Variants in C18orf63 observed in about 807,000 individuals in gnomAD.
The protein encoded by C18orf63 is chromosome 18 open reading frame 63, also known as uncharacterized protein C18orf63.
A neutral mutation model predicts 75.3 loss-of-function variants in C18orf63; 50 were observed. The ratio of observed to expected loss-of-function variants is 0.66; its 90% confidence interval spans 0.53 to 0.84. C18orf63 has a LOEUF of 0.84. Among genes scored for constraint, C18orf63 ranks in the 40% least tolerant of loss-of-function variants. The probability of loss-of-function intolerance (pLI) is 0.00; values close to 1 mark genes in which losing one functional copy is unlikely to be tolerated. For synonymous variants in C18orf63, 232 were observed against 267.6 expected (o/e 0.87, Z 1.30); for missense variants, 732 against 800.2 (o/e 0.91, Z 1.03).
Position 74,358,913 on chromosome 18 carries a change from T to C in C18orf63, c.*2466T>C, listed in dbSNP as rs1984816511. 8.6e-6 allele frequency: 1 copy of C among 116,402 alleles called. No homozygotes were observed. The highest frequency in any genetic ancestry group is 2.8e-5 in the African/African-American group (1 of 35,146). 7.2% of individuals were successfully genotyped at this position (116,402 alleles called of 1,614,324 possible). A position where few individuals can be genotyped will look rare whatever the true frequency, so the allele number is the denominator to read the frequency against. ...TTTTATTTGCATTTGTTGCTTATTG[T>C]AGTAAAAAGGTAAAAAAAAAATGAA... On this transcript the variant is annotated 3_prime_UTR_variant, in exon 14 of 14. Transcript: ENST00000579455.
rs199910303 is a variant in C18orf63 at position 74,320,590 on chromosome 18, C to T, written c.212C>T (p.Ala71Val). Residue 71 changes from alanine (A) to valine (V), a missense_variant and splice_region_variant, in exon 3 of 14, where the codon GCG becomes GTG. Around this residue, in one of 3 missense-constraint regions of C18orf63, gnomAD observed 233 missense variants for 272.7 expected, o/e 0.85. Transcript: ENST00000579455. The stretch of plus-strand genomic sequence containing the variant: ...TTAAACCAAATCTGGGTGGTGATGG[C>T]GGTTAGTATTTTAATATTTTGTGAA... ...GILNQIWVVM[A>V]IPFYKARKLN... is the part of the protein sequence containing the mutation. 1.4e-5 allele frequency: 21 copies of T among 1,517,092 alleles called. No individual in the cohort carries two copies. Among genetic ancestry groups the T allele is most frequent in the Admixed American group, 4.0e-5 (2 of 50,392 alleles). 94.0% of individuals were successfully genotyped at this position (1,517,092 alleles called of 1,614,324 possible). A position where few individuals can be genotyped will look rare whatever the true frequency, so the allele number is the denominator to read the frequency against.
intron 5 of C18orf63, 49 bp downstream of exon 5, chr18:74,328,107 T>G: frequency 9.5e-7 from 1 of 1,055,824 alleles, no homozygotes; most frequent in Non-Finnish European, 1.4e-6. Context: ...AGATTACGTC[T>G]GTTATGTGTG....
chr18:74,322,697 G>T lies in C18orf63; in HGVS notation c.214-1G>T. 7.9e-7 allele frequency: 1 copy of T among 1,260,582 alleles called. No individual in the cohort carries two copies. Among genetic ancestry groups the T allele is most frequent in the Non-Finnish European group, 1.1e-6 (1 of 920,274 alleles). 78.1% of individuals were successfully genotyped at this position (1,260,582 alleles called of 1,614,324 possible). On this transcript the variant is annotated splice_acceptor_variant, in intron 3 of 13. Transcript: ENST00000579455. LOFTEE classifies it high-confidence loss of function. The stretch of plus-strand genomic sequence containing the variant: ...TTTATAAATGTGGATTTTTGTTACA[G>T]ATACCATTTTATAAAGCAAGAAAAC...
chr18:74,340,783 C>G (rs1984467257), intron 8 of C18orf63, among the ~76,000 whole-genome samples: 1 of 151,944 alleles, frequency 6.6e-6, no homozygotes, highest in Non-Finnish European at 1.5e-5. Context: ...ACCTCACTTC[C>G]TTGTGGACTC....
intron 13 of C18orf63, among the ~76,000 whole-genome samples, chr18:74,355,506 A>AG (rs74618580): frequency 0.12 from 18,449 of 152,044 alleles, 1,476 homozygotes; most frequent in Admixed American, 0.18. Context: ...GTCATCCAGG[A>AG]GGGGGGGCTT....
intron 7 of C18orf63, among the ~76,000 whole-genome samples, chr18:74,331,438 A>G (rs1211156900): frequency 6.6e-6 from 1 of 152,190 alleles, no homozygotes; most frequent in Non-Finnish European, 1.5e-5. Flanking sequence ...AGAACCTTAC[A>G]CACTAGTGTC....
chr18:74,331,082 T>C, intron 7 of C18orf63, 140 bp downstream of exon 7: 1 of 371,050 alleles, frequency 2.7e-6, no homozygotes, highest in Non-Finnish European at 4.7e-6. Context: ...TCTGTATTAT[T>C]AAATGCTTGA....
intron 8 of C18orf63, among the ~76,000 whole-genome samples, chr18:74,341,571 C>A (rs183958873): frequency 1.7e-4 from 26 of 151,982 alleles, no homozygotes; most frequent in African/African-American, 5.8e-4. Context: ...TCCCAGCTGG[C>A]GGCTAAGGCA....
intron 7 of C18orf63, among the ~76,000 whole-genome samples, chr18:74,333,423 A>G (rs760737351): frequency 7.9e-5 from 12 of 152,200 alleles, no homozygotes; most frequent in Admixed American, 3.3e-4. Flanking sequence ...TAGATAATTT[A>G]TAAAGGAAAG....
chr18:74,317,890 C>T lies in C18orf63; in HGVS notation c.25C>T (p.Leu9=). The T allele has an allele frequency of 6.5e-7, 1 of 1,534,584 alleles. No individual in the cohort carries two copies. Residue 9 remains leucine (L), a synonymous_variant, in exon 2 of 14, where the codon CTG becomes TTG. Coordinates refer to ENST00000579455, the MANE Select transcript of C18orf63 (RefSeq NM_001174123.2). ...TATGAATGATTCTAGGCAGCAGTCT[C>T]TGTTCTTCATCACACTTCCAGATTT... The part of the protein sequence containing the change: MNDSRQQS[L]FFITLPDLNK...
chr18:74,337,178 T>C (rs1984405620), intron 7 of C18orf63, among the ~76,000 whole-genome samples: 1 of 152,134 alleles, frequency 6.6e-6, no homozygotes, highest in Non-Finnish European at 1.5e-5. Context: ...AAATAATATT[T>C]ATTGAATACC....
chr18:74,326,681 A>G (rs1473887449), intron 4 of C18orf63, among the ~76,000 whole-genome samples: 1 of 152,038 alleles, frequency 6.6e-6, no homozygotes, highest in Non-Finnish European at 1.5e-5. Flanking sequence ...TTCATTTCCC[A>G]TCTTTTGGGG....
intron 7 of C18orf63, among the ~76,000 whole-genome samples, chr18:74,336,315 A>G (rs1984390349): frequency 6.6e-6 from 1 of 152,068 alleles, no homozygotes; most frequent in African/African-American, 2.4e-5. Context: ...AAAATACATT[A>G]AAAAACAATG....
At position 74,353,238 on chromosome 18, in the gene C18orf63, C is replaced by G; in HGVS notation, c.979-8C>G. ...TTTAAATTTTTTTTTAATCTCTATC[C>G]TTTTCAGGAACACAAAGTCAAGCCA... On this transcript the variant is annotated splice_polypyrimidine_tract_variant and splice_region_variant and intron_variant, in intron 11 of 13. Transcript: ENST00000579455. 1.3e-6 allele frequency: 2 copies of G among 1,521,270 alleles called. No individual in the cohort carries two copies. The highest frequency in any genetic ancestry group is 1.8e-6 in the Non-Finnish European group (2 of 1,136,148). 94.2% of individuals were successfully genotyped at this position (1,521,270 alleles called of 1,614,324 possible).
intron 5 of C18orf63, 31 bp from the exon 6 acceptor site, chr18:74,328,964 A>T (rs1325651516): frequency 8.0e-7 from 1 of 1,256,874 alleles, no homozygotes; most frequent in South Asian, 1.3e-5. Flanking sequence ...ATGAGTTGTA[A>T]TAACATGGCA....
At chr18:74,323,100 T>C (rs1322757459) in intron 4 of C18orf63, among the ~76,000 whole-genome samples, 1 of 152,214 alleles carries the variant, frequency 6.6e-6, no homozygotes, top group Non-Finnish European at 1.5e-5. Flanking sequence ...TAAAATACTA[T>C]AGATTGTATT....
At chr18:74,331,001 T>TA in intron 7 of C18orf63, 59 bp downstream of exon 7, 2 of 647,630 alleles carry the variant, frequency 3.1e-6, no homozygotes, top group Non-Finnish European at 4.6e-6. Flanking sequence ...TTTATATTTA[T>TA]TATTGTTACT....
Position 74,322,761 on chromosome 18 carries a change from G to A in C18orf63, c.270+7G>A. On this transcript the variant is annotated splice_region_variant and intron_variant, in intron 4 of 13. Coordinates refer to ENST00000579455, the MANE Select transcript of C18orf63 (RefSeq NM_001174123.2). ...TGAAAAATATGGAGCTAAGGTAAGT[G>A]TTAAAAAATGATATTAATACCATAT... 1 of 1,211,890 alleles carries A rather than the reference G, an allele frequency of 8.3e-7. No homozygotes were observed. Among genetic ancestry groups the A allele is most frequent in the Non-Finnish European group, 1.1e-6 (1 of 880,070 alleles). The allele number at this position is 1,211,890 out of a possible 1,614,324, so 75.1% of individuals were successfully genotyped here.
intron 2 of C18orf63, among the ~76,000 whole-genome samples, chr18:74,320,253 G>T (rs1021561478): frequency 6.6e-6 from 1 of 152,150 alleles, no homozygotes; most frequent in Non-Finnish European, 1.5e-5. Flanking sequence ...CATGTCAGAA[G>T]GGTGAAGGGG....
Sources: gnomAD v4.1 joint callset for allele counts (sites outside exome capture counted in the v4.1 genomes callset) on GRCh38, gnomAD v4.1.1 for gene constraint, gnomAD v4.1.1 regional missense constraint, MANE v1.5 for transcripts, NCBI Gene and HGNC (gene_info 2026-07-23, HGNC 2026-07-21) for gene names.